ATM: variants seen among roughly 807,000 people sequenced by gnomAD.
The protein encoded by ATM is ATM serine/threonine kinase.
ATM carries 308 observed loss-of-function variants against 387.0 expected under a neutral mutation model. That is an observed-to-expected ratio of 0.80 (90% CI 0.73 to 0.87). The LOEUF is 0.87. Ranked by LOEUF, ATM falls within the 40% of genes least tolerant of loss-of-function variation. ATM has a pLI of 0.00. For synonymous variants in ATM, 1,156 were observed against 1,187.3 expected (o/e 0.97, Z 0.54); for missense variants, 3,312 against 3,560.9 (o/e 0.93, Z 1.78).
At position 108,253,891 on chromosome 11, in the gene ATM, A is replaced by G. The variant is rs1565390043; in HGVS notation, c.1976A>G (p.Lys659Arg). The change falls in exon 13 of 63, where the codon AAG (lysine) becomes AGG (arginine). Residue 659 changes from lysine (K) to arginine (R), a missense_variant. By Grantham distance (26) the Lys-to-Arg change is conservative (BLOSUM62 2). Transcript: ENST00000675843. Reference protein sequence around the residue: ...EELFLQTTFDKMDFLTIVREC... With the variant: ...EELFLQTTFDRMDFLTIVREC... ...CTATTTCTTCAGACAACTTTTGACA[A>G]GATGGACTTTTTAACCATTGTGAGA... is the stretch of plus-strand genomic sequence containing the variant. 3.1e-6 allele frequency: 5 copies of G among 1,614,122 alleles called. No individual in the cohort carries two copies. Among genetic ancestry groups the G allele is most frequent in the Non-Finnish European group, 4.2e-6 (5 of 1,179,988 alleles).
chr11:108,324,941 A>G (rs892603515), intron 45 of ATM, among the ~76,000 whole-genome samples: 1 of 152,154 alleles, frequency 6.6e-6, no homozygotes, highest in East Asian at 1.9e-4. Context: ...CCTCATTACT[A>G]CAGGCAGTAT....
intron 10 of ATM, among the ~76,000 whole-genome samples, chr11:108,251,549 G>A (rs1053193248): frequency 6.6e-6 from 1 of 152,070 alleles, no homozygotes; most frequent in Non-Finnish European, 1.5e-5. Flanking sequence ...AATTGTATAC[G>A]TGTATCCAAA....
chr11:108,299,275 C>T (rs1351546084), intron 33 of ATM, among the ~76,000 whole-genome samples: 1 of 150,828 alleles, frequency 6.6e-6, no homozygotes, highest in Non-Finnish European at 1.5e-5. Flanking sequence ...TGTGATACCT[C>T]AACAAAAATT....
intron 61 of ATM, among the ~76,000 whole-genome samples, chr11:108,359,905 AC>A (rs1161198597): frequency 3.9e-5 from 6 of 152,176 alleles, no homozygotes; most frequent in Non-Finnish European, 8.8e-5. Flanking sequence ...GGAAGAGCAA[AC>A]ACATTCAAAA....
At chr11:108,346,763 T>C (rs1159239910) in intron 58 of ATM, among the ~76,000 whole-genome samples, 1 of 152,162 alleles carries the variant, frequency 6.6e-6, no homozygotes, top group East Asian at 1.9e-4. Flanking sequence ...TTAGTGCATG[T>C]CATCATCTGT....
intron 15 of ATM, 45 bp downstream of exon 15, chr11:108,257,651 T>C (rs564149438): frequency 6.3e-7 from 1 of 1,585,942 alleles, no homozygotes; most frequent in Non-Finnish European, 8.6e-7. Flanking sequence ...ATAGGATCTT[T>C]CTCTGTCACC....
chr11:108,307,531 A>G (rs1349263420), intron 37 of ATM, among the ~76,000 whole-genome samples: 1 of 152,134 alleles, frequency 6.6e-6, no homozygotes, highest in African/African-American at 2.4e-5. Context: ...CTTTCCTATT[A>G]TAACACTTAT....
chr11:108,274,945 T>G (rs531840141), intron 22 of ATM, among the ~76,000 whole-genome samples: 1 of 152,324 alleles, frequency 6.6e-6, no homozygotes, highest in East Asian at 1.9e-4. Context: ...GTCTCATTGA[T>G]CTGTCTAATA....
intron 16 of ATM, among the ~76,000 whole-genome samples, chr11:108,262,462 T>A (rs978695532): frequency 9.2e-5 from 14 of 152,236 alleles, no homozygotes; most frequent in Admixed American, 2.0e-4. Context: ...CAGGCCTGCC[T>A]TACAAGAGCT....
intron 60 of ATM, among the ~76,000 whole-genome samples, 190 bp downstream of exon 60, chr11:108,354,070 AACACACACACACACACAC>A (rs71047689): frequency 1.7e-5 from 2 of 114,948 alleles, no homozygotes; most frequent in African/African-American, 5.9e-5. Context: ...CACACACACA[AACACACACACACACACAC>A]ACACACACAC....
Position 108,325,473 on chromosome 11 carries a change from T to G in ATM, c.6736T>G (p.Cys2246Gly), listed in dbSNP as rs767070729. The change falls in exon 46 of 63, where the codon TGT becomes GGT. Residue 2246 changes from cysteine (C) to glycine (G), a missense_variant. Cys to Gly is a radical substitution (Grantham distance 159). This residue lies in a region of ATM where 1,405 missense variants were observed against 1,604.4 expected (regional missense o/e 0.88). Transcript: ENST00000675843. ...EKEMDNSQRE[C>G]IKDILTKHLV... Reference sequence around the variant, plus strand: ...GGAAATGGACAACTCACAAAGAGAATGTATTAAGGACATTCTCACCAAACA... The same window carrying G: ...GGAAATGGACAACTCACAAAGAGAAGGTATTAAGGACATTCTCACCAAACA... 5.0e-6 allele frequency: 8 copies of G among 1,613,740 alleles called. No individual in the cohort carries two copies. In the South Asian group the frequency reaches 8.8e-5, roughly 18 times the overall value.
At chr11:108,352,688 A>C (rs1184657930) in intron 59 of ATM, among the ~76,000 whole-genome samples, 1 of 152,236 alleles carries the variant, frequency 6.6e-6, no homozygotes, top group Non-Finnish European at 1.5e-5. Context: ...ATGCTTAAAC[A>C]AACTGTGTTA....
intron 51 of ATM, 113 bp from the exon 52 acceptor site, chr11:108,331,766 C>G (rs532289002): frequency 4.4e-6 from 6 of 1,361,986 alleles, no homozygotes; most frequent in African/African-American, 4.3e-5. Context: ...CATACACGCT[C>G]TACCCACTGC....
intron 61 of ATM, among the ~76,000 whole-genome samples, chr11:108,358,354 A>G (rs1294051615): frequency 6.9e-6 from 1 of 144,946 alleles, no homozygotes; most frequent in Admixed American, 6.9e-5. Context: ...GAATGGAACC[A>G]AGTTGGAAAA....
At chr11:108,298,659 G>T (rs1294197920) in intron 33 of ATM, among the ~76,000 whole-genome samples, 1 of 152,158 alleles carries the variant, frequency 6.6e-6, no homozygotes, top group Non-Finnish European at 1.5e-5. Context: ...TTTCACTACT[G>T]CTGTTCAACA....
chr11:108,238,645 A>G (rs544479814), intron 5 of ATM, among the ~76,000 whole-genome samples: 2 of 152,218 alleles, frequency 1.3e-5, no homozygotes, highest in African/African-American at 2.4e-5. Context: ...TGCTAAAATC[A>G]CTTACTAAAT....
intron 29 of ATM, among the ~76,000 whole-genome samples, chr11:108,291,733 A>G (rs1482485690): frequency 1.3e-5 from 2 of 152,126 alleles, no homozygotes; most frequent in African/African-American, 2.4e-5. Context: ...GAGAGGAGAA[A>G]ACTTTTCCTA....
rs2136569929 is a variant in ATM, at chr11:108,332,858, A to G, written c.7885A>G (p.Ile2629Val). 6.2e-7 allele frequency: 1 copy of G among 1,613,266 alleles called. No individual in the cohort carries two copies. The highest frequency in any genetic ancestry group is 1.7e-5 in the Admixed American group (1 of 60,018). Residue 2629 changes from isoleucine (I) to valine (V), a missense_variant, in exon 53 of 63, where the codon ATA becomes GTA. Around this residue, in one of 4 missense-constraint regions of ATM, gnomAD observed 1,405 missense variants for 1,604.4 expected, o/e 0.88. Coordinates refer to ENST00000675843, the MANE Select transcript of ATM (RefSeq NM_000051.4). ...TGAGGCACTTTGTGATGCTTATATT[A>G]TATTAGCAAACTTAGATGCCACTCA... ...SVEALCDAYI[I>V]LANLDATQWK...
intron 5 of ATM, among the ~76,000 whole-genome samples, chr11:108,240,228 C>G (rs2079488034): frequency 6.6e-6 from 1 of 151,474 alleles, no homozygotes; most frequent in South Asian, 2.1e-4. Context: ...TTTTTTTCCT[C>G]TGGGAGAGAA....
Sources: gnomAD v4.1 joint callset for allele counts (sites outside exome capture counted in the v4.1 genomes callset) on GRCh38, gnomAD v4.1.1 for gene constraint, gnomAD v4.1.1 regional missense constraint, MANE v1.5 for transcripts, NCBI Gene and HGNC (gene_info 2026-07-23, HGNC 2026-07-21) for gene names.